The following SYN3 variants were observed in gnomAD, a reference collection of about 807,000 sequenced individuals.
The protein encoded by SYN3 is synapsin-3.
A neutral mutation model predicts 65.8 loss-of-function variants in SYN3; 35 were observed. That is an observed-to-expected ratio of 0.53 (90% CI 0.41 to 0.70). The LOEUF is 0.70. Ranked by LOEUF, SYN3 falls within the 30% of genes least tolerant of loss-of-function variation. The pLI, the probability that SYN3 is intolerant of heterozygous loss-of-function variation, is 0.00. For synonymous variants in SYN3, 270 were observed against 292.9 expected (o/e 0.92, Z 0.80); for missense variants, 680 against 749.0 (o/e 0.91, Z 1.08).
chr22:32,934,005 C>A (rs1207023257), intron 3 of SYN3, among the ~76,000 whole-genome samples: 1 of 152,072 alleles, frequency 6.6e-6, no homozygotes, highest in East Asian at 1.9e-4. Context: ...TAATTAATAA[C>A]CTCATTATGC....
intron 4 of SYN3, among the ~76,000 whole-genome samples, chr22:32,928,849 CT>C: frequency 6.6e-6 from 1 of 152,318 alleles, no homozygotes; most frequent in Middle Eastern, 3.4e-3. Flanking sequence ...ATCTTTTTCT[CT>C]CTGTGCTTCC....
chr22:32,755,509 G>A (rs1030661294), intron 6 of SYN3, among the ~76,000 whole-genome samples: 1 of 152,184 alleles, frequency 6.6e-6, no homozygotes, highest in Non-Finnish European at 1.5e-5. Context: ...ATCTGGAGGT[G>A]GCAGAACCAT....
chr22:32,518,409 T>C (rs760268367), intron 12 of SYN3, 75 bp from the exon 13 acceptor site: 5 of 1,552,782 alleles, frequency 3.2e-6, no homozygotes, highest in Non-Finnish European at 3.5e-6. Context: ...CAAATAATGT[T>C]GCTTCAAGGA....
chr22:32,990,301 AATCCATCC>A (rs113493698), intron 2 of SYN3, among the ~76,000 whole-genome samples: 24,865 of 138,318 alleles, frequency 0.18, 2,518 homozygotes, highest in East Asian at 0.43. Context: ...TCCATCCATG[AATCCATCC>A]ATCCATCCAT....
chr22:32,870,640 T>C (rs534125389), intron 4 of SYN3, among the ~76,000 whole-genome samples: 22 of 152,346 alleles, frequency 1.4e-4, no homozygotes, highest in Middle Eastern at 3.4e-3. Context: ...AAATTGTTTA[T>C]GAGAATGTCC....
At chr22:32,722,509 T>C (rs1270968902) in intron 6 of SYN3, among the ~76,000 whole-genome samples, 1 of 152,198 alleles carries the variant, frequency 6.6e-6, no homozygotes, top group Non-Finnish European at 1.5e-5. Flanking sequence ...AGAGTAGATT[T>C]CAAGGGGGAA....
In SYN3 at chr22:32,662,936, CAA is replaced by C. The variant is rs1282958948; in HGVS notation, c.712-66202_712-66201del. 2.6e-5 allele frequency among the ~76,000 whole-genome samples: 4 copies of C among 152,278 alleles called. No homozygotes were observed. In the East Asian group the frequency reaches 7.7e-4, roughly 29 times the overall value. ...ACAATCACTTTCTGAGAAAAGCAAA[CAA>C]CCAACCAAGAGATTCCCTCATGTTC... On this transcript the variant is annotated intron_variant, in intron 6 of 13. Coordinates refer to ENST00000358763, the MANE Select transcript of SYN3 (RefSeq NM_003490.4).
intron 7 of SYN3, among the ~76,000 whole-genome samples, chr22:32,548,518 G>A (rs531282072): frequency 7.2e-5 from 11 of 152,004 alleles, no homozygotes; most frequent in African/African-American, 2.2e-4. Flanking sequence ...GACTACAGGC[G>A]CCCACCACCA....
At chr22:32,712,427 A>G (rs917434394) in intron 6 of SYN3, among the ~76,000 whole-genome samples, 7 of 152,182 alleles carry the variant, frequency 4.6e-5, no homozygotes, top group African/African-American at 1.7e-4. Context: ...CTGTATCCCC[A>G]GTGTGTAGGA....
At chr22:32,825,531 C>T (rs1341257189) in intron 6 of SYN3, among the ~76,000 whole-genome samples, 6 of 151,286 alleles carry the variant, frequency 4.0e-5, no homozygotes, top group Admixed American at 6.6e-5. Context: ...TGGTGGCGGG[C>T]GCCTGTAATC....
intron 4 of SYN3, among the ~76,000 whole-genome samples, chr22:32,919,302 T>C (rs1449981975): frequency 6.6e-6 from 1 of 152,204 alleles, no homozygotes. Context: ...AACTTCTCTG[T>C]TGCTTTTGCT....
intron 6 of SYN3, among the ~76,000 whole-genome samples, chr22:32,650,439 G>A (rs1215293257): frequency 6.6e-6 from 1 of 151,762 alleles, no homozygotes; most frequent in Non-Finnish European, 1.5e-5. Context: ...GCTAATTTTT[G>A]CATTTTTGTG....
At chr22:32,958,341 C>G (rs981256313) in intron 3 of SYN3, among the ~76,000 whole-genome samples, 1 of 152,184 alleles carries the variant, frequency 6.6e-6, no homozygotes, top group Non-Finnish European at 1.5e-5. Flanking sequence ...TGATTGCTCA[C>G]GTCGCTTTCT....
At chr22:32,671,800 TACAC>T (rs142076478) in intron 6 of SYN3, among the ~76,000 whole-genome samples, 10 of 132,012 alleles carry the variant, frequency 7.6e-5, no homozygotes, top group Non-Finnish European at 1.4e-4. Context: ...CTCACACAGG[TACAC>T]ACACACGCTG....
intron 3 of SYN3, among the ~76,000 whole-genome samples, chr22:32,966,921 TAATAA>T (rs1569364127): frequency 6.6e-6 from 1 of 151,898 alleles, no homozygotes. Context: ...TCTCAAAAAA[TAATAA>T]AATAAAATAA....
chr22:33,021,106 G>A (rs187230720), intron 1 of SYN3, among the ~76,000 whole-genome samples: 19 of 152,182 alleles, frequency 1.2e-4, no homozygotes, highest in African/African-American at 3.9e-4. Flanking sequence ...AAGGCAACAC[G>A]GCAGGTGCAG....
At chr22:32,678,365 C>T (rs5754206) in intron 6 of SYN3, among the ~76,000 whole-genome samples, 7,708 of 152,196 alleles carry the variant, frequency 0.051, 224 homozygotes, top group Admixed American at 0.071. Flanking sequence ...TCTATTCCCA[C>T]TTCTCTCCAA....
chr22:32,950,267 G>A (rs557502593), intron 3 of SYN3, among the ~76,000 whole-genome samples: 4 of 152,290 alleles, frequency 2.6e-5, no homozygotes, highest in African/African-American at 7.2e-5. Context: ...TTCAGACCCC[G>A]TGGTCTGTTC....
chr22:32,857,306 G>A, intron 6 of SYN3: 1 of 1,614,118 alleles, frequency 6.2e-7, no homozygotes, highest in Non-Finnish European at 8.5e-7. Flanking sequence ...GGAAGCTTCC[G>A]AGAGTCTCTG....
Sources: allele counts gnomAD v4.1 joint callset (sites outside exome capture counted in the v4.1 genomes callset), GRCh38; gene constraint gnomAD v4.1.1; transcripts MANE v1.5; gene names NCBI Gene and HGNC (gene_info 2026-07-23, HGNC 2026-07-21).